SYNC: variants seen among roughly 807,000 people sequenced by gnomAD.
The protein encoded by SYNC is syncoilin.
SYNC carries 38 observed loss-of-function variants against 49.5 expected under a neutral mutation model. The observed-to-expected ratio is 0.77, with a 90% CI of 0.59 to 1.01. The LOEUF is 1.01. Among genes scored for constraint, SYNC ranks in the 50% least tolerant of loss-of-function variants. The pLI is 0.00. For synonymous variants in SYNC, 201 were observed against 230.8 expected (o/e 0.87, Z 1.17); for missense variants, 579 against 580.6 (o/e 1.00, Z 0.03).
chr1:32,689,234 C>CTTT (rs1557872500), intron 2 of SYNC, among the ~76,000 whole-genome samples: 3 of 18,696 alleles, frequency 1.6e-4, no homozygotes, highest in African/African-American at 2.8e-4. Flanking sequence ...CCTCGCCTGG[C>CTTT]CTTTTTTTTT....
At chr1:32,684,639 G>C (rs1649692762) in intron 2 of SYNC, 1 of 449,552 alleles carries the variant, frequency 2.2e-6, no homozygotes, top group South Asian at 2.4e-5. Context: ...TCCTGGGAGG[G>C]TGATTGGGAC....
chr1:32,680,558 C>T lies in SYNC; in HGVS notation c.*1292G>A, dbSNP rs944320014. ...TCCTTGACCACTAGTTTGATGCCAT[C>T]TCCATTTTGGGTGACCTGTTTCACC... On this transcript the variant is annotated 3_prime_UTR_variant, in exon 5 of 5. Transcript: ENST00000409190. 1.3e-6 allele frequency: 2 copies of T among 1,499,958 alleles called. No individual in the cohort carries two copies. The highest frequency in any genetic ancestry group is 1.8e-6 in the Non-Finnish European group (2 of 1,113,050). 92.9% of individuals were successfully genotyped at this position (1,499,958 alleles called of 1,614,324 possible). A position where few individuals can be genotyped will look rare whatever the true frequency, so the allele number is the denominator to read the frequency against.
At chr1:32,686,637 G>A (rs2148548305) in intron 2 of SYNC, among the ~76,000 whole-genome samples, 1 of 152,306 alleles carries the variant, frequency 6.6e-6, no homozygotes, top group African/African-American at 2.4e-5. Context: ...GGGTTTAAAG[G>A]ATGAGTAAAG....
chr1:32,692,613 G>A (rs1650218403), intron 2 of SYNC, among the ~76,000 whole-genome samples: 1 of 152,050 alleles, frequency 6.6e-6, no homozygotes. Flanking sequence ...GGGCATGGTG[G>A]CACAGGTCTG....
Position 32,691,555 on chromosome 1 carries a change from A to G in SYNC, c.1233+3310T>C, listed in dbSNP as rs1336282021. 1.2e-4 allele frequency among the ~76,000 whole-genome samples: 4 copies of G among 33,608 alleles called. No homozygotes were observed. The East Asian group carries it at 3.2e-3, about 27-fold the overall frequency. The allele number at this position is 33,608 out of a possible 152,430, so 22.0% of individuals were successfully genotyped here. ...GTGACAGAGGGAGACTCCATCTCAG[A>G]AAAAAAAAAAAAAGTAGCAAGGCAA... On this transcript the variant is annotated intron_variant, in intron 2 of 4. Transcript: ENST00000409190.
intron 1 of SYNC, among the ~76,000 whole-genome samples, chr1:32,700,970 C>G (rs905002936): frequency 6.6e-6 from 1 of 151,730 alleles, no homozygotes; most frequent in Non-Finnish European, 1.5e-5. Context: ...GGCTGGAGTG[C>G]AATGGTGTAA....
At chr1:32,687,158 G>A (rs145909829) in intron 2 of SYNC, among the ~76,000 whole-genome samples, 5,860 of 151,834 alleles carry the variant, frequency 0.039, 228 homozygotes, top group East Asian at 0.12. Context: ...TCAGGAGTTC[G>A]AGACCAGCCT....
intron 2 of SYNC, among the ~76,000 whole-genome samples, chr1:32,687,681 AG>A (rs1247033289): frequency 1.3e-5 from 2 of 150,186 alleles, no homozygotes; most frequent in South Asian, 2.1e-4. Flanking sequence ...AAAAAAAAAA[AG>A]AAAAAAATGT....
At position 32,680,879 on chromosome 1, in the gene SYNC, G is replaced by A; in HGVS notation, c.*971C>T. 3.8e-6 allele frequency: 1 copy of A among 261,188 alleles called. No homozygotes were observed. The highest frequency in any genetic ancestry group is 7.2e-6 in the Non-Finnish European group (1 of 139,194). 16.2% of individuals were successfully genotyped at this position (261,188 alleles called of 1,614,324 possible). On this transcript the variant is annotated 3_prime_UTR_variant, in exon 5 of 5. Transcript: ENST00000409190. The stretch of plus-strand genomic sequence containing the variant: ...GGTGGCACAGATTAGTCTTTGATAA[G>A]GTAACGTTTCTTTGAAGTCTATCTG...
intron 2 of SYNC, among the ~76,000 whole-genome samples, chr1:32,693,861 T>C (rs1406446518): frequency 6.6e-6 from 1 of 152,222 alleles, no homozygotes; most frequent in Non-Finnish European, 1.5e-5. Flanking sequence ...GCAAAATTAA[T>C]TGCAGCTTTT....
In SYNC at chr1:32,695,777, C is replaced by T. The variant is rs760077112; in HGVS notation, c.321G>A (p.Val107=). The change falls in exon 2 of 5, where the codon GTG becomes GTA. Residue 107 remains valine (V), a synonymous_variant. Coordinates refer to ENST00000409190, the MANE Select transcript of SYNC (RefSeq NM_030786.3). ...VEEPGNPEET[V]CVEETTEPDR... is the part of the protein sequence containing the mutation. ...CTGGCTCCGTGGTTTCCTCCACACA[C>T]ACTGTCTCCTCTGGATTCCCAGGCT... The T allele has an allele frequency of 1.2e-5, 18 of 1,551,644 alleles. No individual in the cohort carries two copies. In the South Asian group the frequency reaches 2.1e-4, roughly 18 times the overall value.
chr1:32,701,078 G>A (rs1272619805), intron 1 of SYNC, among the ~76,000 whole-genome samples: 1 of 152,110 alleles, frequency 6.6e-6, no homozygotes, highest in Non-Finnish European at 1.5e-5. Context: ...ACCACGCCTG[G>A]CTAATTTTTG....
At chr1:32,684,163 T>C in intron 3 of SYNC, 74 bp from the exon 4 acceptor site, 1 of 1,606,248 alleles carries the variant, frequency 6.2e-7, no homozygotes, top group African/African-American at 1.3e-5. Context: ...CAAATCCTCT[T>C]TTTGTTTTTG....
chr1:32,683,928 C>A, intron 4 of SYNC, 82 bp downstream of exon 4: 1 of 1,411,972 alleles, frequency 7.1e-7, no homozygotes, highest in South Asian at 1.2e-5. Flanking sequence ...CCACCCCGTC[C>A]GGCCTGTTTT....
intron 2 of SYNC, among the ~76,000 whole-genome samples, chr1:32,689,389 C>A (rs905375973): frequency 2.0e-5 from 3 of 151,458 alleles, no homozygotes; most frequent in African/African-American, 7.3e-5. Context: ...CAGGTGCCTA[C>A]CACCATGCCT....
Position 32,695,035 on chromosome 1 carries a change from C to G in SYNC, c.1063G>C (p.Glu355Gln), listed in dbSNP as rs768459535. 6.2e-7 allele frequency: 1 copy of G among 1,613,918 alleles called. No homozygotes were observed. The highest frequency in any genetic ancestry group is 8.5e-7 in the Non-Finnish European group (1 of 1,180,008). The change falls in exon 2 of 5, where the codon GAA becomes CAA. Residue 355 changes from glutamate to glutamine, a missense_variant. Transcript: ENST00000409190. ...CTCTGCAGAGCTTTGGTCCCAGCTT[C>G]TTTCCTCTCTAGGAGCCGCAGGAAC... is the stretch of plus-strand genomic sequence containing the variant. ...PQFLRLLERK[E>Q]AGTKALQRTQ...
At chr1:32,690,432 G>A (rs1650103071) in intron 2 of SYNC, among the ~76,000 whole-genome samples, 1 of 150,220 alleles carries the variant, frequency 6.7e-6, no homozygotes, top group South Asian at 2.1e-4. Flanking sequence ...GGATCACGAG[G>A]TCAGGAGTTG....
intron 2 of SYNC, among the ~76,000 whole-genome samples, chr1:32,692,564 T>G (rs1215664659): frequency 6.6e-6 from 1 of 152,134 alleles, no homozygotes; most frequent in Non-Finnish European, 1.5e-5. Context: ...CTGACCAACA[T>G]GGTGAAACCC....
In SYNC at chr1:32,702,431, G is replaced by A. The variant is rs1389662246; in HGVS notation, c.53+177C>T. Among the ~76,000 whole-genome samples, 1 of 152,142 alleles carries A rather than the reference G, an allele frequency of 6.6e-6. No homozygotes were observed. The highest frequency in any genetic ancestry group is 2.4e-5 in the African/African-American group (1 of 41,444). On this transcript the variant is annotated intron_variant, in intron 1 of 4. Transcript: ENST00000409190. The surrounding 1 kb of genome is among the most constrained non-coding windows in gnomAD (Gnocchi z 6.2). The stretch of plus-strand genomic sequence containing the variant: ...AGCCACAGACAAACGGAGGTGCCAG[G>A]ACCCCGGGACGGCCCGACTCCCCGA...
Sources: allele counts gnomAD v4.1 joint callset (sites outside exome capture counted in the v4.1 genomes callset), GRCh38; gene constraint gnomAD v4.1.1; non-coding constraint Gnocchi (gnomAD v3.1); transcripts MANE v1.5; gene names NCBI Gene and HGNC (gene_info 2026-07-23, HGNC 2026-07-21).